The following SRPK1 variants were observed in gnomAD, a reference collection of about 807,000 sequenced individuals.
SRPK1 encodes the protein SFRS protein kinase 1.
Under a neutral mutation model 89.5 loss-of-function variants are expected in SRPK1, and 52 were observed. The observed-to-expected ratio is 0.58, with a 90% confidence interval of 0.46 to 0.73. SRPK1 has a LOEUF of 0.73. SRPK1 is among the 30% of genes least tolerant of loss of function. SRPK1 has a pLI of 0.00. For missense variants in SRPK1, 603 were observed against 780.6 expected (o/e 0.77, Z 2.71); for synonymous variants, 255 against 270.2 (o/e 0.94, Z 0.55).
At chr6:35,847,829 A>T (rs1425294718) in intron 13 of SRPK1, among the ~76,000 whole-genome samples, 1 of 151,850 alleles carries the variant, frequency 6.6e-6, no homozygotes, top group Non-Finnish European at 1.5e-5. Flanking sequence ...ATTTATTTTT[A>T]TTTTATTTTT....
chr6:35,897,326 G>A (rs549021691), intron 2 of SRPK1, among the ~76,000 whole-genome samples: 1 of 152,292 alleles, frequency 6.6e-6, no homozygotes, highest in Admixed American at 6.5e-5. Flanking sequence ...ATCATAGCAA[G>A]AATTTATGGT....
intron 6 of SRPK1, among the ~76,000 whole-genome samples, chr6:35,880,742 A>AAAAAAAAAAAAAGAAAG: frequency 3.5e-5 from 1 of 28,174 alleles, no homozygotes; most frequent in African/African-American, 3.1e-4. Context: ...AAAGAAAAAA[A>AAAAAAAAAAAAAGAAAG]AAAAAAAAGA....
chr6:35,921,013 C>T, intron 1 of SRPK1, 31 bp downstream of exon 1: 4 of 1,539,928 alleles, frequency 2.6e-6, no homozygotes, highest in Non-Finnish European at 3.5e-6. Context: ...CGACCATTGC[C>T]CCTCGTGGCG....
intron 2 of SRPK1, among the ~76,000 whole-genome samples, chr6:35,902,999 C>T (rs1770777105): frequency 6.6e-6 from 1 of 151,946 alleles, no homozygotes; most frequent in African/African-American, 2.4e-5. Flanking sequence ...GCAAAGTGGG[C>T]CAGACATGGT....
rs560786325 is a variant in SRPK1 at position 35,889,827 on chromosome 6, G to A, written c.194-904C>T. 3.1e-4 allele frequency among the ~76,000 whole-genome samples: 46 copies of A among 149,532 alleles called. No individual in the cohort carries two copies. In the South Asian group the frequency reaches 7.5e-3, roughly 24 times the overall value. ...CAAAAAACAAAAAACGGCAAGGCGC[G>A]GTGGCTCACCCCTGTAATCCCAGCA... On this transcript the variant is annotated intron_variant, in intron 3 of 15. Coordinates refer to ENST00000373825, the MANE Select transcript of SRPK1 (RefSeq NM_003137.5).
chr6:35,850,594 A>G (rs535818622), intron 13 of SRPK1, among the ~76,000 whole-genome samples: 2 of 152,354 alleles, frequency 1.3e-5, no homozygotes, highest in East Asian at 1.9e-4. Context: ...GCTGTAAATT[A>G]TATTAATCAA....
chr6:35,883,736 TA>T (rs1365668538), intron 6 of SRPK1, among the ~76,000 whole-genome samples: 10 of 151,434 alleles, frequency 6.6e-5, no homozygotes, highest in South Asian at 2.1e-4. Flanking sequence ...ATCACAAGGT[TA>T]TTTTTTTTTT....
In SRPK1 at chr6:35,915,279, C is replaced by T. The variant is rs111392899; in HGVS notation, c.74+5189G>A. Among the ~76,000 whole-genome samples the T allele has an allele frequency of 9.4e-3, 1,424 of 151,818 alleles. 15 individuals are homozygous for T. Among genetic ancestry groups the T allele is most frequent in the African/African-American group, 0.032 (1,342 of 41,424 alleles). On this transcript the variant is annotated intron_variant, in intron 2 of 15. Coordinates refer to ENST00000373825, the MANE Select transcript of SRPK1 (RefSeq NM_003137.5). ...AAAATTAGCCAGGCATGGTGGCGGGCGCCTGTAGTCCCGGCTACTCGGGAG... is the reference window on the plus strand; with the variant it reads ...AAAATTAGCCAGGCATGGTGGCGGGTGCCTGTAGTCCCGGCTACTCGGGAG...
rs1166316597 is a variant in SRPK1, at chr6:35,842,599, A to T, written c.1626T>A (p.Phe542Leu). ...ADIWSTACMA[F>L]ELATGDYLFE... Reference sequence around the variant, plus strand: ...ACAAATAGTCACCTGTGGCCAGTTCAAAGGCCTAAAAAAAAAAGAGGACAG... The same window carrying T: ...ACAAATAGTCACCTGTGGCCAGTTCTAAGGCCTAAAAAAAAAAGAGGACAG... The change falls in exon 14 of 16, where the codon TTT becomes TTA. Residue 542 changes from phenylalanine to leucine, a missense_variant. By Grantham distance (22) the Phe-to-Leu change is conservative (BLOSUM62 0). Transcript: ENST00000373825. The T allele has an allele frequency of 6.2e-7, 1 of 1,606,772 alleles. No individual in the cohort carries two copies. The highest frequency in any genetic ancestry group is 8.5e-7 in the Non-Finnish European group (1 of 1,177,328).
At chr6:35,855,266 T>A (rs1354756916) in intron 13 of SRPK1, among the ~76,000 whole-genome samples, 1 of 151,826 alleles carries the variant, frequency 6.6e-6, no homozygotes, top group Non-Finnish European at 1.5e-5. Flanking sequence ...TGCGCCACTG[T>A]ACTCCAGCTT....
intron 2 of SRPK1, among the ~76,000 whole-genome samples, chr6:35,902,815 A>G (rs1770771922): frequency 1.3e-5 from 2 of 152,234 alleles, no homozygotes; most frequent in East Asian, 3.8e-4. Flanking sequence ...AGTAAAGAAA[A>G]ATGCAAAATA....
At chr6:35,891,656 A>G (rs2395645) in intron 2 of SRPK1, among the ~76,000 whole-genome samples, 47,413 of 150,412 alleles carry the variant, frequency 0.32, 7,635 homozygotes, top group South Asian at 0.42. Flanking sequence ...GAACCCGGGA[A>G]GTGGAGGCTA....
intron 6 of SRPK1, among the ~76,000 whole-genome samples, chr6:35,880,735 GAAA>G (rs1238876364): frequency 4.8e-4 from 13 of 26,972 alleles, no homozygotes; most frequent in East Asian, 1.2e-3. Flanking sequence ...AAAAAAAAAA[GAAA>G]AAAAAAAAAA....
chr6:35,911,185 T>C (rs1478197073), intron 2 of SRPK1, among the ~76,000 whole-genome samples: 3 of 152,190 alleles, frequency 2.0e-5, no homozygotes, highest in Admixed American at 2.0e-4. Context: ...CTATATGCCA[T>C]TAAGAACAGT....
chr6:35,864,357 AAT>A (rs1769849708), intron 12 of SRPK1, among the ~76,000 whole-genome samples: 1 of 152,154 alleles, frequency 6.6e-6, no homozygotes, highest in Non-Finnish European at 1.5e-5. Flanking sequence ...AAAAAAAAAA[AAT>A]CTAATAATCT....
chr6:35,900,035 A>T (rs1041989031), intron 2 of SRPK1, among the ~76,000 whole-genome samples: 47 of 151,878 alleles, frequency 3.1e-4, no homozygotes, highest in African/African-American at 1.1e-3. Context: ...AAATAAAAAA[A>T]AATAAAAAGA....
intron 7 of SRPK1, among the ~76,000 whole-genome samples, chr6:35,873,165 A>C (rs1276715953): frequency 6.6e-6 from 1 of 152,178 alleles, no homozygotes; most frequent in Non-Finnish European, 1.5e-5. Flanking sequence ...AAATTTTTGC[A>C]CCTTGAAGTA....
At chr6:35,835,520 G>C (rs1769160774) in intron 15 of SRPK1, 32 bp from the exon 16 acceptor site, 10 of 1,569,960 alleles carry the variant, frequency 6.4e-6, no homozygotes, top group Non-Finnish European at 8.6e-6. Context: ...AAAAGCCACT[G>C]ATCAACACAG....
intron 2 of SRPK1, among the ~76,000 whole-genome samples, chr6:35,906,695 C>T (rs374463640): frequency 2.8e-4 from 42 of 152,230 alleles, no homozygotes; most frequent in African/African-American, 9.9e-4. Context: ...GCTAATAGGT[C>T]CAGGTTTCTT....
Sources: gnomAD v4.1 joint callset for allele counts (sites outside exome capture counted in the v4.1 genomes callset) on GRCh38, gnomAD v4.1.1 for gene constraint, MANE v1.5 for transcripts, NCBI Gene and HGNC (gene_info 2026-07-23, HGNC 2026-07-21) for gene names.